The following ABTB3 variants were observed in gnomAD, a reference collection of about 807,000 sequenced individuals.
ABTB3 encodes ankyrin repeat and BTB domain containing 3, also known as ankyrin repeat- and BTB/POZ domain-containing protein 3.
the ABTB3 span, among the ~76,000 whole-genome samples, chr12:107,599,653 A>T: frequency 6.6e-6 from 1 of 152,100 alleles, no homozygotes; most frequent in Non-Finnish European, 1.5e-5. Context: ...CAAACAGCTC[A>T]CTTAACTTCC....
chr12:107,321,628 CACAT>C, the ABTB3 span, among the ~76,000 whole-genome samples: 487 of 17,876 alleles, frequency 0.027, 6 homozygotes, highest in Admixed American at 0.046. Flanking sequence ...CACACACACA[CACAT>C]CCTGAAATAT....
At chr12:107,636,471 AT>A in the ABTB3 span, among the ~76,000 whole-genome samples, 1 of 152,334 alleles carries the variant, frequency 6.6e-6, no homozygotes, top group Non-Finnish European at 1.5e-5. Flanking sequence ...GAAGACTGAA[AT>A]TTCTACTCTT....
the ABTB3 span, chr12:107,486,751 A>C: frequency 1.3e-5 from 2 of 152,016 alleles, no homozygotes; most frequent in Admixed American, 1.3e-4. Flanking sequence ...AAAAAAAAAA[A>C]AAAAATCACT....
At chr12:107,544,696 C>T in the ABTB3 span, among the ~76,000 whole-genome samples, 67 of 152,296 alleles carry the variant, frequency 4.4e-4, no homozygotes, top group Middle Eastern at 3.4e-3. Context: ...CCTTTAGCGA[C>T]GGATTAATAG....
chr12:107,473,189 A>C, the ABTB3 span, among the ~76,000 whole-genome samples: 1 of 152,216 alleles, frequency 6.6e-6, no homozygotes, highest in Non-Finnish European at 1.5e-5. Context: ...GAAAGTGCAC[A>C]CATCAAATGC....
chr12:107,566,727 A>G, the ABTB3 span, among the ~76,000 whole-genome samples: 1 of 151,818 alleles, frequency 6.6e-6, no homozygotes, highest in African/African-American at 2.4e-5. Context: ...ATCTTTTCTG[A>G]CTGCAGCAAG....
chr12:107,642,553 T>C, the ABTB3 span, among the ~76,000 whole-genome samples: 1 of 152,088 alleles, frequency 6.6e-6, no homozygotes, highest in Non-Finnish European at 1.5e-5. Flanking sequence ...AGAGAAGACC[T>C]CTTGGATGAG....
the ABTB3 span, among the ~76,000 whole-genome samples, chr12:107,431,073 T>C: frequency 3.3e-5 from 5 of 152,262 alleles, no homozygotes; most frequent in Non-Finnish European, 7.3e-5. Context: ...TTTCCAAGTA[T>C]TTCTAGTAAA....
chr12:107,640,856 T>G, the ABTB3 span, among the ~76,000 whole-genome samples: 3 of 152,236 alleles, frequency 2.0e-5, no homozygotes, highest in Admixed American at 2.0e-4. Flanking sequence ...CTGCTCACCC[T>G]CTATGCCAGC....
chr12:107,410,255 G>A, the ABTB3 span, among the ~76,000 whole-genome samples: 1 of 149,418 alleles, frequency 6.7e-6, no homozygotes, highest in East Asian at 2.0e-4. Flanking sequence ...AGTCAGCTAC[G>A]CTAAGGAACG....
chr12:107,646,991 G>T, the ABTB3 span, among the ~76,000 whole-genome samples: 1 of 152,114 alleles, frequency 6.6e-6, no homozygotes, highest in Non-Finnish European at 1.5e-5. Flanking sequence ...AAGAGAGGGT[G>T]GGAGGTTCTG....
chr12:107,619,750 C>A, the ABTB3 span, among the ~76,000 whole-genome samples: 1 of 152,150 alleles, frequency 6.6e-6, no homozygotes, highest in Non-Finnish European at 1.5e-5. Context: ...GAGATGGACA[C>A]CCATAGCTGA....
At chr12:107,434,352 G>T in the ABTB3 span, among the ~76,000 whole-genome samples, 6 of 152,172 alleles carry the variant, frequency 3.9e-5, no homozygotes, top group African/African-American at 1.4e-4. Flanking sequence ...AGGTCAGCTG[G>T]CATGCACTGA....
the ABTB3 span, among the ~76,000 whole-genome samples, chr12:107,645,857 T>C: frequency 6.6e-6 from 1 of 152,262 alleles, no homozygotes; most frequent in African/African-American, 2.4e-5. Context: ...GTTACTGTAA[T>C]GGGAAGGGAA....
chr12:107,650,104 T>C, the ABTB3 span: 2 of 126,728 alleles, frequency 1.6e-5, no homozygotes, highest in South Asian at 5.0e-4. Flanking sequence ...CACAATCAAC[T>C]GTTCAAGAGC....
the ABTB3 span, among the ~76,000 whole-genome samples, chr12:107,532,062 C>T: frequency 5.9e-5 from 9 of 152,212 alleles, no homozygotes; most frequent in Non-Finnish European, 1.0e-4. Context: ...GCCCCAGGGC[C>T]ACCACCAATA....
chr12:107,540,791 C>A, the ABTB3 span, among the ~76,000 whole-genome samples: 1 of 151,852 alleles, frequency 6.6e-6, no homozygotes. Flanking sequence ...CGAGACCAGG[C>A]TGGGTATGAA....
the ABTB3 span, among the ~76,000 whole-genome samples, chr12:107,644,397 G>C: frequency 2.0e-5 from 3 of 152,140 alleles, no homozygotes; most frequent in African/African-American, 7.2e-5. Flanking sequence ...TGGGGCCCAG[G>C]CATCAGCATT....
the ABTB3 span, among the ~76,000 whole-genome samples, chr12:107,444,093 C>A: frequency 2.6e-5 from 4 of 152,212 alleles, no homozygotes; most frequent in Non-Finnish European, 4.4e-5. Flanking sequence ...GAATGGCCAG[C>A]CACAGCCTGA....
Sources: allele counts gnomAD v4.1 joint callset (sites outside exome capture counted in the v4.1 genomes callset), GRCh38; gene constraint gnomAD v4.1.1; transcripts MANE v1.5; gene names NCBI Gene and HGNC (gene_info 2026-07-23, HGNC 2026-07-21).